OSBPL11: variants seen among roughly 807,000 people sequenced by gnomAD.
OSBPL11 encodes the protein oxysterol binding protein like 11, also known as oxysterol-binding protein-related protein 11.
Under a neutral mutation model 84.4 loss-of-function variants are expected in OSBPL11, and 33 were observed. The ratio of observed to expected loss-of-function variants is 0.39; its 90% CI spans 0.30 to 0.52. The LOEUF (loss-of-function observed/expected upper bound fraction) is 0.52. Among genes scored for constraint, OSBPL11 ranks in the 20% least tolerant of loss-of-function variants. OSBPL11 has a pLI of 0.72. For missense variants in OSBPL11, 736 were observed against 901.1 expected (o/e 0.82, Z 2.35); for synonymous variants, 276 against 310.2 (o/e 0.89, Z 1.16).
intron 4 of OSBPL11, among the ~76,000 whole-genome samples, chr3:125,577,321 G>A (rs991755954): frequency 3.9e-5 from 6 of 152,022 alleles, no homozygotes; most frequent in Non-Finnish European, 5.9e-5. Flanking sequence ...TTCAAGTAAT[G>A]AGACTCTCCT....
At chr3:125,578,519 G>A (rs981999883) in intron 4 of OSBPL11, among the ~76,000 whole-genome samples, 43 of 152,228 alleles carry the variant, frequency 2.8e-4, no homozygotes, top group Non-Finnish European at 5.3e-4. Flanking sequence ...CAAGGTGGGC[G>A]GATCACTTGA....
intron 8 of OSBPL11, among the ~76,000 whole-genome samples, chr3:125,554,690 TA>T (rs1484897914): frequency 2.6e-5 from 4 of 151,966 alleles, no homozygotes; most frequent in Non-Finnish European, 5.9e-5. Context: ...AGATATTATA[TA>T]CATACAAGAA....
intron 10 of OSBPL11, 140 bp from the exon 11 acceptor site, chr3:125,538,773 T>G: frequency 3.3e-6 from 2 of 611,768 alleles, no homozygotes; most frequent in Non-Finnish European, 5.4e-6. Context: ...GTGCCAAAGT[T>G]AGATTCTTTG....
chr3:125,547,133 C>G (rs1023320654), intron 10 of OSBPL11, among the ~76,000 whole-genome samples: 5 of 152,106 alleles, frequency 3.3e-5, no homozygotes, highest in Non-Finnish European at 7.3e-5. Context: ...CAGAATTGGG[C>G]CAGAGACTGC....
intron 8 of OSBPL11, among the ~76,000 whole-genome samples, chr3:125,558,454 T>C (rs1303943793): frequency 2.6e-5 from 4 of 152,228 alleles, no homozygotes; most frequent in Non-Finnish European, 4.4e-5. Flanking sequence ...TATGGGTTTC[T>C]TTATTAATTC....
chr3:125,536,688 G>A (rs923932165), intron 11 of OSBPL11, among the ~76,000 whole-genome samples: 2 of 152,086 alleles, frequency 1.3e-5, no homozygotes, highest in African/African-American at 4.8e-5. Context: ...AAGAACCATA[G>A]TTTGTCTATC....
chr3:125,543,810 G>T (rs1324581110), intron 10 of OSBPL11, among the ~76,000 whole-genome samples: 1 of 152,070 alleles, frequency 6.6e-6, no homozygotes, highest in African/African-American at 2.4e-5. Context: ...TGGGGCAGAA[G>T]AACAGCTTGA....
chr3:125,533,995 T>G (rs1301041532), intron 11 of OSBPL11, among the ~76,000 whole-genome samples: 1 of 152,138 alleles, frequency 6.6e-6, no homozygotes, highest in Non-Finnish European at 1.5e-5. Context: ...TCCAACTAAT[T>G]TTTATATTTT....
At chr3:125,551,593 AC>A (rs895810345) in intron 9 of OSBPL11, among the ~76,000 whole-genome samples, 1 of 151,802 alleles carries the variant, frequency 6.6e-6, no homozygotes, top group Non-Finnish European at 1.5e-5. Context: ...ACATGGTGAA[AC>A]CCCCCATCTC....
chr3:125,585,204 C>T (rs1003366434), intron 1 of OSBPL11, among the ~76,000 whole-genome samples: 1 of 152,150 alleles, frequency 6.6e-6, no homozygotes, highest in Admixed American at 6.5e-5. Context: ...GATCTCAGCT[C>T]ACTGCAACCT....
intron 5 of OSBPL11, among the ~76,000 whole-genome samples, chr3:125,570,342 AAAAG>A (rs1172420759): frequency 4.0e-5 from 6 of 151,194 alleles, no homozygotes; most frequent in Admixed American, 6.6e-5. Flanking sequence ...AAAAAAAAAA[AAAAG>A]AAAGAAAGAA....
intron 11 of OSBPL11, among the ~76,000 whole-genome samples, chr3:125,535,600 C>T (rs569763295): frequency 1.4e-3 from 215 of 151,692 alleles, no homozygotes; most frequent in Non-Finnish European, 2.3e-3. Flanking sequence ...CACGCCACCA[C>T]GCCAGGTGAT....
At chr3:125,591,125 A>C (rs1238410220) in intron 1 of OSBPL11, among the ~76,000 whole-genome samples, 2 of 152,200 alleles carry the variant, frequency 1.3e-5, no homozygotes, top group Admixed American at 6.5e-5. Flanking sequence ...ATCTCTGAGG[A>C]CTGGCTAGAT....
intron 1 of OSBPL11, among the ~76,000 whole-genome samples, chr3:125,590,538 G>C (rs998409733): frequency 6.6e-6 from 1 of 151,972 alleles, no homozygotes; most frequent in Admixed American, 6.6e-5. Context: ...CTGCACAAGA[G>C]GACCAGACTC....
At position 125,545,209 on chromosome 3, in the gene OSBPL11, T is replaced by C. The variant is rs1056094840; in HGVS notation, c.1841+2197A>G. Among the ~76,000 whole-genome samples, 4 of 152,330 alleles carry C rather than the reference T, an allele frequency of 2.6e-5. 1 individual carries two copies. The highest frequency in any genetic ancestry group is 4.1e-4 in the South Asian group (2 of 4,826). ...TGTTATTTTACTCGATATCACTATG[T>C]AAGGACACATGCAACAAATCCCTTT... On this transcript the variant is annotated intron_variant, in intron 10 of 12. Coordinates refer to ENST00000296220, the MANE Select transcript of OSBPL11 (RefSeq NM_022776.5).
intron 8 of OSBPL11, among the ~76,000 whole-genome samples, chr3:125,557,126 AG>A (rs1254393239): frequency 6.6e-6 from 1 of 152,176 alleles, no homozygotes; most frequent in African/African-American, 2.4e-5. Context: ...GATTTTCTTT[AG>A]TTTTCTAAAA....
intron 10 of OSBPL11, among the ~76,000 whole-genome samples, chr3:125,542,927 G>A (rs1935754299): frequency 6.6e-6 from 1 of 152,148 alleles, no homozygotes; most frequent in Admixed American, 6.5e-5. Flanking sequence ...TTACAGGCAT[G>A]AGCCACTGTG....
chr3:125,567,449 G>A lies in OSBPL11; in HGVS notation c.813C>T (p.Cys271=), dbSNP rs1936176131. The A allele has an allele frequency of 6.2e-7, 1 of 1,614,090 alleles. No homozygotes were observed. The highest frequency in any genetic ancestry group is 8.5e-7 in the Non-Finnish European group (1 of 1,179,982). The change falls in exon 6 of 13, where the codon TGC becomes TGT. Residue 271 remains cysteine (C), a synonymous_variant. Coordinates refer to ENST00000296220, the MANE Select transcript of OSBPL11 (RefSeq NM_022776.5). ...CATGCTGTAACTGGAGAATATGAAAGCAGTCATTTAAGCAGTTCATAGTTG... is the reference window on the plus strand; with the variant it reads ...CATGCTGTAACTGGAGAATATGAAAACAGTCATTTAAGCAGTTCATAGTTG... The part of the protein sequence containing the change: ...SMATMNCLND[C]FHILQLQHAS...
Position 125,595,374 on chromosome 3 carries a change from C to G in OSBPL11, c.-574G>C, listed in dbSNP as rs1936668985. On this transcript the variant is annotated 5_prime_UTR_variant, in exon 1 of 13. Coordinates refer to ENST00000296220, the MANE Select transcript of OSBPL11 (RefSeq NM_022776.5). ...GGCGGGACGCCGGCTCCCGGGGCCGCCTCTCCCAGGGCCAGAGGCGAGCCA... is the reference window on the plus strand; with the variant it reads ...GGCGGGACGCCGGCTCCCGGGGCCGGCTCTCCCAGGGCCAGAGGCGAGCCA... Among the ~76,000 whole-genome samples, 1 of 152,180 alleles carries G rather than the reference C, an allele frequency of 6.6e-6. No individual in the cohort carries two copies. Among genetic ancestry groups the G allele is most frequent in the Admixed American group, 6.5e-5 (1 of 15,290 alleles).
Sources: allele counts gnomAD v4.1 joint callset (sites outside exome capture counted in the v4.1 genomes callset), GRCh38; gene constraint gnomAD v4.1.1; transcripts MANE v1.5; gene names NCBI Gene and HGNC (gene_info 2026-07-23, HGNC 2026-07-21).